The following ZNF600 variants were observed in gnomAD, a reference collection of about 807,000 sequenced individuals.
The protein encoded by ZNF600 is zinc finger protein KR-ZNF1.
In ZNF600, 4 loss-of-function variants were observed where a neutral mutation model predicts 7.3. The observed-to-expected ratio is 0.55, with a 90% CI of 0.27 to 1.25. ZNF600 has a LOEUF of 1.25. ZNF600 is among the 50% of genes most tolerant of loss of function. The probability of loss-of-function intolerance (pLI) is 0.12; values close to 1 mark genes in which losing one functional copy is unlikely to be tolerated. For missense variants in ZNF600, 911 were observed against 922.1 expected (o/e 0.99, Z 0.16); for synonymous variants, 290 against 308.9 (o/e 0.94, Z 0.64).
chr19:52,796,423 A>T, the ZNF600 span, among the ~76,000 whole-genome samples: 3 of 152,212 alleles, frequency 2.0e-5, no homozygotes, highest in African/African-American at 7.2e-5. Context: ...ATAACAAATG[A>T]TCACATTCTT....
the ZNF600 span, among the ~76,000 whole-genome samples, chr19:52,808,887 A>T: frequency 3.9e-5 from 6 of 152,194 alleles, no homozygotes; most frequent in African/African-American, 9.6e-5. Context: ...TTTTCACAAA[A>T]TAATAAAACC....
At chr19:52,789,110 A>T (rs1282000491), upstream of ZNF600, among the ~76,000 whole-genome samples, 4 of 152,214 alleles carry the variant, frequency 2.6e-5, no homozygotes, top group Non-Finnish European at 5.9e-5. Context: ...CTGTGGGAGA[A>T]CACAAAAGTT....
the ZNF600 span, among the ~76,000 whole-genome samples, chr19:52,827,264 A>G: frequency 6.6e-6 from 1 of 151,632 alleles, no homozygotes; most frequent in Admixed American, 6.6e-5. Flanking sequence ...AAAAAAAAAG[A>G]AAAAAAGAAA....
the ZNF600 span, chr19:52,810,433 G>T: frequency 1.8e-5 from 29 of 1,601,794 alleles, no homozygotes; most frequent in South Asian, 2.9e-4. Flanking sequence ...CATCCCAAAG[G>T]GTTTGCATAT....
chr19:52,817,153 G>A, the ZNF600 span, among the ~76,000 whole-genome samples: 1 of 151,986 alleles, frequency 6.6e-6, no homozygotes, highest in African/African-American at 2.4e-5. Flanking sequence ...TAGGCGGATC[G>A]CCTGAGGTCG....
the ZNF600 span, chr19:52,810,121 C>T: frequency 3.6e-6 from 3 of 830,160 alleles, no homozygotes; most frequent in South Asian, 2.7e-5. Flanking sequence ...GGGGAGGAGC[C>T]GGGACTGGTC....
At chr19:52,765,982 C>T (rs143084110) in exon 4 of ZNF600, 54 of 1,613,972 alleles carry the variant, frequency 3.3e-5, no homozygotes, top group East Asian at 6.7e-5. Flanking sequence ...GAATTACGCA[C>T]GAAAGCCTTG....
chr19:52,808,210 A>G, the ZNF600 span: 32 of 1,586,062 alleles, frequency 2.0e-5, no homozygotes, highest in Non-Finnish European at 2.7e-5. Context: ...GAGAGGGGGA[A>G]AGCATGGATT....
At chr19:52,789,044 A>G (rs2062785205), upstream of ZNF600, among the ~76,000 whole-genome samples, 1 of 152,190 alleles carries the variant, frequency 6.6e-6, no homozygotes, top group African/African-American at 2.4e-5. Context: ...CACACAGAAC[A>G]GGCAACATGG....
At chr19:52,815,309 A>G in the ZNF600 span, among the ~76,000 whole-genome samples, 5 of 143,950 alleles carry the variant, frequency 3.5e-5, no homozygotes, top group African/African-American at 1.4e-4. Flanking sequence ...TGAAGACAGG[A>G]GTTCAACATC....
the ZNF600 span, among the ~76,000 whole-genome samples, chr19:52,793,676 A>C: frequency 6.7e-6 from 1 of 150,056 alleles, no homozygotes; most frequent in Non-Finnish European, 1.5e-5. Flanking sequence ...CAGAGGTAGG[A>C]GCATCGCTTG....
At chr19:52,828,899 C>T in the ZNF600 span, among the ~76,000 whole-genome samples, 1 of 152,180 alleles carries the variant, frequency 6.6e-6, no homozygotes, top group Non-Finnish European at 1.5e-5. Context: ...CTCCCCCTGT[C>T]ACCCAGGCTG....
At chr19:52,766,395 C>A (rs146875413) in exon 4 of ZNF600, 15 of 1,611,352 alleles carry the variant, frequency 9.3e-6, no homozygotes, top group South Asian at 8.8e-5. Flanking sequence ...AAGGGTTGAT[C>A]CACAACTGAA....
the ZNF600 span, chr19:52,801,761 A>G: frequency 6.9e-7 from 1 of 1,450,064 alleles, no homozygotes; most frequent in Non-Finnish European, 9.4e-7. Flanking sequence ...ATAATACTGA[A>G]ATGTGTAAAT....
chr19:52,789,847 A>G (rs957675544), upstream of ZNF600, among the ~76,000 whole-genome samples: 13 of 152,196 alleles, frequency 8.5e-5, no homozygotes, highest in Non-Finnish European at 1.8e-4. Flanking sequence ...ACCTGGGTGC[A>G]GGCGGGCTGA....
chr19:52,810,314 C>T, the ZNF600 span: 1 of 1,585,852 alleles, frequency 6.3e-7, no homozygotes, highest in Non-Finnish European at 8.6e-7. Context: ...CCCGTTCCAT[C>T]AATGCTGGCA....
chr19:52,833,046 C>T, the ZNF600 span, among the ~76,000 whole-genome samples: 4 of 152,192 alleles, frequency 2.6e-5, no homozygotes, highest in Non-Finnish European at 5.9e-5. Flanking sequence ...GCTGGGATTA[C>T]AGGCATAAGC....
At chr19:52,791,789 G>C (rs147759851), upstream of ZNF600, among the ~76,000 whole-genome samples, 5 of 152,128 alleles carry the variant, frequency 3.3e-5, no homozygotes, top group Admixed American at 6.5e-5. Context: ...CCTCCTGGAG[G>C]AGCCTCCCCC....
the ZNF600 span, among the ~76,000 whole-genome samples, chr19:52,819,629 A>C: frequency 4.6e-5 from 6 of 129,372 alleles, no homozygotes; most frequent in Admixed American, 4.7e-4. Flanking sequence ...AGTTACCCTG[A>C]GAAGGTCTGA....
Sources: allele counts gnomAD v4.1 joint callset (sites outside exome capture counted in the v4.1 genomes callset), GRCh38; gene constraint gnomAD v4.1.1; transcripts MANE v1.5; gene names NCBI Gene and HGNC (gene_info 2026-07-23, HGNC 2026-07-21).